The following ATXN7 variants were observed in gnomAD, a reference collection of about 807,000 sequenced individuals.
ATXN7 encodes the protein ataxin 7, also known as ataxin-7.
ATXN7 carries 12 observed loss-of-function variants against 70.5 expected under a neutral mutation model. That is an observed-to-expected ratio of 0.17 (90% CI 0.11 to 0.28). The LOEUF is 0.28. ATXN7 is among the 10% of genes least tolerant of loss of function. The pLI, the probability that ATXN7 is intolerant of heterozygous loss-of-function variation, is 1.00. For synonymous variants in ATXN7, 498 were observed against 448.7 expected (o/e 1.11, Z -1.39); for missense variants, 1,256 against 1,131.7 (o/e 1.11, Z -1.58).
chr3:63,871,574 T>C lies in ATXN7; in HGVS notation c.-111+7416T>C, dbSNP rs1307742978. Among the ~76,000 whole-genome samples the C allele has an allele frequency of 3.9e-5, 6 of 152,310 alleles. No individual in the cohort carries two copies. In the South Asian group the frequency reaches 1.2e-3, roughly 32 times the overall value. ...AAACATAGAAAGTGATCTAAATACC[T>C]ATGGATAGGGGATTAAGTGAATTAG... On this transcript the variant is annotated intron_variant, in intron 1 of 12. Coordinates refer to ENST00000674280, the MANE Select transcript of ATXN7 (RefSeq NM_001377405.1).
chr3:63,973,794 T>C (rs965016349), intron 5 of ATXN7, among the ~76,000 whole-genome samples: 6 of 151,968 alleles, frequency 3.9e-5, no homozygotes, highest in Admixed American at 6.6e-5. Context: ...AATTCCCCCA[T>C]GTGGCTGGTT....
At chr3:63,969,705 T>C (rs537861619) in intron 5 of ATXN7, among the ~76,000 whole-genome samples, 1 of 152,348 alleles carries the variant, frequency 6.6e-6, no homozygotes, top group African/African-American at 2.4e-5. Flanking sequence ...ATAGAGATAC[T>C]TGTGTAAAGA....
chr3:63,877,960 G>T (rs919878047), intron 1 of ATXN7, among the ~76,000 whole-genome samples: 1 of 152,312 alleles, frequency 6.6e-6, no homozygotes, highest in African/African-American at 2.4e-5. Flanking sequence ...TGCTAATCTG[G>T]TCAGAACTGT....
At chr3:63,926,087 A>G (rs538423352) in intron 4 of ATXN7, among the ~76,000 whole-genome samples, 193 of 152,352 alleles carry the variant, frequency 1.3e-3, no homozygotes, top group African/African-American at 4.4e-3. Flanking sequence ...TACTTATACA[A>G]TCAAATGAAT....
intron 1 of ATXN7, among the ~76,000 whole-genome samples, chr3:63,885,315 C>T (rs1008326545): frequency 1.3e-5 from 2 of 152,128 alleles, no homozygotes; most frequent in Non-Finnish European, 2.9e-5. Flanking sequence ...ACAAGACGTA[C>T]AGATGGCCAA....
intron 1 of ATXN7, among the ~76,000 whole-genome samples, chr3:63,865,634 G>A: frequency 6.6e-6 from 1 of 152,092 alleles, no homozygotes; most frequent in East Asian, 1.9e-4. Context: ...GCTCACGCCT[G>A]TAATCCCAGC....
intron 1 of ATXN7, among the ~76,000 whole-genome samples, chr3:63,888,559 T>C (rs1422486898): frequency 6.6e-6 from 1 of 152,114 alleles, no homozygotes; most frequent in African/African-American, 2.4e-5. Flanking sequence ...CAGGTGGATC[T>C]TGAGGTCAAG....
chr3:63,944,174 G>A (rs976513114), intron 4 of ATXN7, among the ~76,000 whole-genome samples: 1 of 152,110 alleles, frequency 6.6e-6, no homozygotes, highest in African/African-American at 2.4e-5. Flanking sequence ...GTATCTGCGG[G>A]GGATACTTTC....
chr3:63,871,194 G>A (rs3774702), intron 1 of ATXN7, among the ~76,000 whole-genome samples: 31,515 of 152,062 alleles, frequency 0.21, 3,480 homozygotes, highest in African/African-American at 0.28. Flanking sequence ...AACCACTAGA[G>A]ATTATTTGGG....
In ATXN7 at chr3:63,912,618, A is replaced by C; in HGVS notation, c.20A>C (p.Asp7Ala). ...GAAAGAATGTCGGAGCGGGCCGCGGATGACGTCAGGGGGGAGCCGCGCCGC... is the reference window on the plus strand; with the variant it reads ...GAAAGAATGTCGGAGCGGGCCGCGGCTGACGTCAGGGGGGAGCCGCGCCGC... Reference protein sequence around the residue: MSERAADDVRGEPRRAA... With the variant: MSERAAADVRGEPRRAA... Residue 7 changes from aspartate to alanine, a missense_variant, in exon 3 of 13, where the codon GAT becomes GCT. Physicochemically the swap from Asp to Ala is moderately radical, Grantham distance 126. Transcript: ENST00000674280. 4 of 1,083,762 alleles carry C rather than the reference A, an allele frequency of 3.7e-6. No individual in the cohort carries two copies. The highest frequency in any genetic ancestry group is 2.7e-5 in the South Asian group (1 of 37,466). 67.1% of individuals were successfully genotyped at this position (1,083,762 alleles called of 1,614,324 possible).
chr3:63,977,011 A>T (rs1002217980), intron 5 of ATXN7, among the ~76,000 whole-genome samples: 1 of 152,132 alleles, frequency 6.6e-6, no homozygotes, highest in African/African-American at 2.4e-5. Flanking sequence ...TCATGGAAGG[A>T]GGTTATCTGA....
At chr3:63,871,854 T>G (rs1702601119) in intron 1 of ATXN7, among the ~76,000 whole-genome samples, 1 of 147,622 alleles carries the variant, frequency 6.8e-6, no homozygotes, top group Non-Finnish European at 1.5e-5. Context: ...ATCTGGTTTG[T>G]TTTTAAATTT....
chr3:63,960,155 C>T (rs1043715410), intron 5 of ATXN7, among the ~76,000 whole-genome samples: 3 of 152,298 alleles, frequency 2.0e-5, no homozygotes, highest in Admixed American at 6.5e-5. Context: ...GAAAGAGAGC[C>T]AGCCCATTTG....
chr3:63,894,890 A>AT (rs1703396503), intron 1 of ATXN7, among the ~76,000 whole-genome samples: 1 of 152,126 alleles, frequency 6.6e-6, no homozygotes, highest in African/African-American at 2.4e-5. Flanking sequence ...CAGTCTTTAC[A>AT]TATCTAGAAT....
intron 5 of ATXN7, among the ~76,000 whole-genome samples, chr3:63,958,864 G>A (rs368291778): frequency 5.3e-5 from 8 of 152,064 alleles, no homozygotes; most frequent in East Asian, 3.9e-4. Flanking sequence ...ATACCAACCA[G>A]ACCATCTTTT....
At chr3:63,871,728 A>G (rs1702596747) in intron 1 of ATXN7, among the ~76,000 whole-genome samples, 1 of 152,222 alleles carries the variant, frequency 6.6e-6, no homozygotes, top group Admixed American at 6.5e-5. Context: ...GGTTTTAGTC[A>G]TCTTTGAAGT....
chr3:63,971,182 C>T (rs2075307437), intron 5 of ATXN7, among the ~76,000 whole-genome samples: 1 of 152,146 alleles, frequency 6.6e-6, no homozygotes, highest in South Asian at 2.1e-4. Flanking sequence ...CTTTTTCTTT[C>T]TCAGTGTTTT....
chr3:63,908,536 TTAC>T (rs1703913719), intron 2 of ATXN7, among the ~76,000 whole-genome samples: 2 of 152,246 alleles, frequency 1.3e-5, no homozygotes, highest in South Asian at 4.1e-4. Context: ...AGAATCTCTG[TTAC>T]CAACCCTGTA....
At chr3:63,981,873 T>C (rs1316018241) in intron 6 of ATXN7, among the ~76,000 whole-genome samples, 2 of 152,252 alleles carry the variant, frequency 1.3e-5, no homozygotes, top group Non-Finnish European at 2.9e-5. Flanking sequence ...TTCTCATGTT[T>C]TGCTTCTTAT....
Sources: allele counts gnomAD v4.1 joint callset (sites outside exome capture counted in the v4.1 genomes callset), GRCh38; gene constraint gnomAD v4.1.1; transcripts MANE v1.5; gene names NCBI Gene and HGNC (gene_info 2026-07-23, HGNC 2026-07-21).